AUTS2: variants seen among roughly 807,000 people sequenced by gnomAD.
AUTS2 encodes the protein autism susceptibility gene 2 protein.
A neutral mutation model predicts 112.4 loss-of-function variants in AUTS2; 17 were observed. The observed-to-expected ratio is 0.15, with a 90% CI of 0.10 to 0.23. The LOEUF (loss-of-function observed/expected upper bound fraction) is 0.23, where lower values mean the gene tolerates loss of function less well. Ranked by LOEUF, AUTS2 falls within the 10% of genes least tolerant of loss-of-function variation. AUTS2 has a pLI of 1.00. For synonymous variants in AUTS2, 751 were observed against 702.7 expected (o/e 1.07, Z -1.09); for missense variants, 1,510 against 1,701.6 (o/e 0.89, Z 1.98).
chr7:70,142,631 G>A (rs1806925582), intron 4 of AUTS2, among the ~76,000 whole-genome samples: 1 of 152,144 alleles, frequency 6.6e-6, no homozygotes, highest in Non-Finnish European at 1.5e-5. Context: ...TTTAGGGCTA[G>A]TACATAGAGA....
intron 5 of AUTS2, among the ~76,000 whole-genome samples, chr7:70,590,906 A>G (rs1802912057): frequency 4.6e-5 from 7 of 152,108 alleles, no homozygotes. Context: ...GTTTCATTGT[A>G]TTGATATTTA....
intron 2 of AUTS2, among the ~76,000 whole-genome samples, chr7:69,910,563 C>T (rs759254289): frequency 7.9e-5 from 12 of 152,204 alleles, no homozygotes; most frequent in South Asian, 2.1e-4. Context: ...CAGGTCACAT[C>T]TTACGTGGAT....
chr7:70,084,077 CA>C (rs762392282), intron 2 of AUTS2, among the ~76,000 whole-genome samples: 4 of 151,378 alleles, frequency 2.6e-5, no homozygotes, highest in Non-Finnish European at 4.4e-5. Flanking sequence ...AACAAACAAA[CA>C]AAAAAAACAA....
At chr7:69,924,524 T>G (rs1053734167) in intron 2 of AUTS2, among the ~76,000 whole-genome samples, 41 of 151,830 alleles carry the variant, frequency 2.7e-4, no homozygotes, top group African/African-American at 9.4e-4. Flanking sequence ...CTTTTGTCTT[T>G]TCTTTTCTTT....
In AUTS2 at chr7:70,164,536, A is replaced by C. The variant is rs576509965; in HGVS notation, c.660+29965A>C. ...TGTTCTTCGATTGGTTGGATTAAAA[A>C]ATTTTTTTGATGTTTTTCTCATGAT... On this transcript the variant is annotated intron_variant, in intron 4 of 18. Transcript: ENST00000342771. Among the ~76,000 whole-genome samples, 38 of 152,232 alleles carry C rather than the reference A, an allele frequency of 2.5e-4. No homozygotes were observed. The South Asian group carries it at 7.7e-3, about 31-fold the overall frequency.
intron 4 of AUTS2, among the ~76,000 whole-genome samples, chr7:70,361,298 A>C (rs1366636415): frequency 6.6e-6 from 1 of 151,764 alleles, no homozygotes; most frequent in South Asian, 2.1e-4. Flanking sequence ...GCGCCACTGC[A>C]CTCCAGCCTG....
At chr7:70,445,761 A>T (rs1372872154) in intron 5 of AUTS2, among the ~76,000 whole-genome samples, 1 of 152,232 alleles carries the variant, frequency 6.6e-6, no homozygotes, top group Non-Finnish European at 1.5e-5. Context: ...ATGTGTAAAC[A>T]TTTAATATTT....
intron 1 of AUTS2, among the ~76,000 whole-genome samples, chr7:69,745,955 C>G (rs751615403): frequency 1.3e-5 from 2 of 152,142 alleles, no homozygotes; most frequent in African/African-American, 4.8e-5. Flanking sequence ...CTCACTGCAG[C>G]CTTGAGCTCC....
intron 1 of AUTS2, among the ~76,000 whole-genome samples, chr7:69,644,520 A>G (rs1028392036): frequency 2.0e-5 from 3 of 151,740 alleles, no homozygotes; most frequent in Admixed American, 6.6e-5. Flanking sequence ...AAAAACTTTT[A>G]AAGTTTTTGT....
chr7:70,163,337 G>T (rs1414521674), intron 4 of AUTS2, among the ~76,000 whole-genome samples: 1 of 63,706 alleles, frequency 1.6e-5, no homozygotes, highest in African/African-American at 4.9e-5. Flanking sequence ...GTGTTAGGTT[G>T]TGGTGGTGGG....
At chr7:70,324,257 G>A (rs1166650952) in intron 4 of AUTS2, among the ~76,000 whole-genome samples, 2 of 152,214 alleles carry the variant, frequency 1.3e-5, no homozygotes, top group Non-Finnish European at 2.9e-5. Context: ...CTCAGCAGAT[G>A]AGGGTCTTGG....
At chr7:70,034,715 T>C (rs1453766428) in intron 2 of AUTS2, among the ~76,000 whole-genome samples, 3 of 152,146 alleles carry the variant, frequency 2.0e-5, no homozygotes, top group African/African-American at 7.2e-5. Flanking sequence ...GAAATCAAGC[T>C]CCAAAGATGG....
At chr7:70,522,672 A>G (rs1467839400) in intron 5 of AUTS2, among the ~76,000 whole-genome samples, 2 of 152,152 alleles carry the variant, frequency 1.3e-5, no homozygotes, top group African/African-American at 2.4e-5. Context: ...TCCATGATGT[A>G]TATGTACCAC....
intron 2 of AUTS2, among the ~76,000 whole-genome samples, chr7:69,935,414 T>A (rs1218931370): frequency 6.6e-6 from 1 of 152,142 alleles, no homozygotes; most frequent in Non-Finnish European, 1.5e-5. Context: ...CTTTTCAAAA[T>A]TTTTTTAGGA....
chr7:70,158,689 G>A (rs1282123753), intron 4 of AUTS2, among the ~76,000 whole-genome samples: 3 of 152,040 alleles, frequency 2.0e-5, no homozygotes, highest in Non-Finnish European at 4.4e-5. Context: ...GAAGCAGCCT[G>A]GACCTCTGGT....
At chr7:70,739,002 CCTTT>C (rs1787938437) in intron 6 of AUTS2, among the ~76,000 whole-genome samples, 1 of 83,244 alleles carries the variant, frequency 1.2e-5, no homozygotes, top group African/African-American at 3.8e-5. Context: ...GGTTTTGAGG[CCTTT>C]TTTTTTTTTT....
At chr7:70,361,265 G>A (rs1232844548) in intron 4 of AUTS2, among the ~76,000 whole-genome samples, 3 of 152,118 alleles carry the variant, frequency 2.0e-5, no homozygotes, top group African/African-American at 4.8e-5. Context: ...CACGGGAGGC[G>A]GAGCTTGCAG....
chr7:69,770,872 G>T (rs931566992), intron 1 of AUTS2, among the ~76,000 whole-genome samples: 3 of 151,906 alleles, frequency 2.0e-5, no homozygotes, highest in African/African-American at 4.8e-5. Flanking sequence ...ATATAAAACC[G>T]ATCTGTTCAT....
intron 1 of AUTS2, among the ~76,000 whole-genome samples, chr7:69,665,861 T>C (rs937146847): frequency 6.6e-6 from 1 of 152,180 alleles, no homozygotes; most frequent in Non-Finnish European, 1.5e-5. Context: ...ATCTGTTCAT[T>C]TCTTCAGGCT....
Sources: gnomAD v4.1 joint callset for allele counts (sites outside exome capture counted in the v4.1 genomes callset) on GRCh38, gnomAD v4.1.1 for gene constraint, MANE v1.5 for transcripts, NCBI Gene and HGNC (gene_info 2026-07-23, HGNC 2026-07-21) for gene names.